The following PNPT1 variants were observed in gnomAD, a reference collection of about 807,000 sequenced individuals.
PNPT1 encodes polyribonucleotide nucleotidyltransferase 1, mitochondrial.
Under a neutral mutation model 119.5 loss-of-function variants are expected in PNPT1, and 53 were observed. That is an observed-to-expected ratio of 0.44 (90% CI 0.36 to 0.56). The LOEUF (loss-of-function observed/expected upper bound fraction) is 0.56, where lower values mean the gene tolerates loss of function less well. Among genes scored for constraint, PNPT1 ranks in the 20% least tolerant of loss-of-function variants. The probability of loss-of-function intolerance (pLI) is 0.00; values close to 1 mark genes in which losing one functional copy is unlikely to be tolerated. For synonymous variants in PNPT1, 357 were observed against 322.1 expected (o/e 1.11, Z -1.16); for missense variants, 948 against 938.5 (o/e 1.01, Z -0.13).
At chr2:55,655,447 T>C (rs1366608315) in intron 17 of PNPT1, among the ~76,000 whole-genome samples, 1 of 152,210 alleles carries the variant, frequency 6.6e-6, no homozygotes, top group African/African-American at 2.4e-5. Context: ...TTGCATAGTA[T>C]TGCTACAGAT....
At chr2:55,662,815 A>G (rs1167754462) in intron 13 of PNPT1, among the ~76,000 whole-genome samples, 2 of 152,280 alleles carry the variant, frequency 1.3e-5, no homozygotes, top group Non-Finnish European at 2.9e-5. Context: ...CCCATTCTCA[A>G]GAATAAAGAC....
Position 55,636,305 on chromosome 2 carries a change from T to C in PNPT1, c.2284A>G (p.Thr762Ala). The C allele has an allele frequency of 6.2e-7, 1 of 1,614,036 alleles. No homozygotes were observed. The highest frequency in any genetic ancestry group is 1.3e-5 in the African/African-American group (1 of 75,054). Residue 762 changes from threonine to alanine, a missense_variant, in exon 28 of 28, where the codon ACT (threonine) becomes GCT (alanine). Coordinates refer to ENST00000447944, the MANE Select transcript of PNPT1 (RefSeq NM_033109.5). Reference sequence around the variant, plus strand: ...ACAATACTACTTCTGTCATTCAAAGTTCTGACCACGGTTGTAGCTGGCGAC... The same window carrying C: ...ACAATACTACTTCTGTCATTCAAAGCTCTGACCACGGTTGTAGCTGGCGAC... ...LQSPATTVVRTLNDRSSIVMG... is the reference protein window; with the variant it reads ...LQSPATTVVRALNDRSSIVMG...
At chr2:55,651,217 G>A (rs1206957896) in intron 18 of PNPT1, among the ~76,000 whole-genome samples, 1 of 147,870 alleles carries the variant, frequency 6.8e-6, no homozygotes, top group African/African-American at 2.5e-5. Flanking sequence ...CTGCCCGGCC[G>A]CCCCTACTGG....
At chr2:55,637,717 C>A in intron 26 of PNPT1, 118 bp from the exon 27 acceptor site, 1 of 878,686 alleles carries the variant, frequency 1.1e-6, no homozygotes, top group Non-Finnish European at 1.8e-6. Flanking sequence ...CAGTTAGCGG[C>A]TGGGCGCAGT....
At chr2:55,643,027 C>G in intron 25 of PNPT1, 131 bp downstream of exon 25, 1 of 881,778 alleles carries the variant, frequency 1.1e-6, no homozygotes, top group East Asian at 2.6e-5. Context: ...GGTGGGAGAA[C>G]TGCCTGATCC....
intron 15 of PNPT1, among the ~76,000 whole-genome samples, chr2:55,659,825 C>G (rs988360242): frequency 1.3e-5 from 2 of 152,060 alleles, no homozygotes; most frequent in East Asian, 3.8e-4. Flanking sequence ...TGGTAAAACC[C>G]AGGTAGTGGA....
At chr2:55,642,034 G>T (rs1559086235) in intron 25 of PNPT1, among the ~76,000 whole-genome samples, 1 of 151,892 alleles carries the variant, frequency 6.6e-6, no homozygotes, top group African/African-American at 2.4e-5. Context: ...TAGACATGGG[G>T]TTTCACCATG....
intron 8 of PNPT1, among the ~76,000 whole-genome samples, chr2:55,675,117 TA>T (rs1483472205): frequency 6.6e-6 from 1 of 151,378 alleles, no homozygotes; most frequent in Non-Finnish European, 1.5e-5. Context: ...AACTAGAAGA[TA>T]AAAAACTCAG....
At position 55,684,985 on chromosome 2, in the gene PNPT1, T is replaced by C. The variant is rs782572; in HGVS notation, c.361A>G (p.Ile121Val). 0.47 allele frequency: 741,047 copies of C among 1,587,420 alleles called. 179,722 individuals are homozygous for C. Among genetic ancestry groups the C allele is most frequent in the Non-Finnish European group, 0.5 (579,237 of 1,161,386 alleles). Residue 121 changes from isoleucine to valine, a missense_variant, in exon 4 of 28, where the codon ATT becomes GTT. By Grantham distance (29) the Ile-to-Val change is conservative. Coordinates refer to ENST00000447944, the MANE Select transcript of PNPT1 (RefSeq NM_033109.5). ...AGAATTTCTTTATCAGAAGTACCAATCTCTCTTCTCAGATAGTTTGTGGGA... is the reference window on the plus strand; with the variant it reads ...AGAATTTCTTTATCAGAAGTACCAACCTCTCTTCTCAGATAGTTTGTGGGA... ...RIPTNYLRRE[I>V]GTSDKEILTS...
chr2:55,636,291 T>A lies in PNPT1; in HGVS notation c.2298A>T (p.Arg766Ser), dbSNP rs1695670552. ...ATTVVRTLND[R>S]SSIVMGEPIS... is the part of the protein sequence containing the mutation. ...TAGGTTCTCCCATTACAATACTACT[T>A]CTGTCATTCAAAGTTCTGACCACGG... The change falls in exon 28 of 28, where the codon AGA (arginine) becomes AGT (serine). Residue 766 changes from arginine to serine, a missense_variant. Coordinates refer to ENST00000447944, the MANE Select transcript of PNPT1 (RefSeq NM_033109.5). 6.2e-7 allele frequency: 1 copy of A among 1,613,916 alleles called. No individual in the cohort carries two copies. The highest frequency in any genetic ancestry group is 1.3e-5 in the African/African-American group (1 of 75,038).
chr2:55,649,408 T>C (rs1344884286), intron 18 of PNPT1, among the ~76,000 whole-genome samples: 1 of 152,244 alleles, frequency 6.6e-6, no homozygotes, highest in Non-Finnish European at 1.5e-5. Context: ...AACATTTCTT[T>C]CCTCATTTCC....
chr2:55,677,780 C>T (rs1186145862), intron 8 of PNPT1, among the ~76,000 whole-genome samples: 3 of 151,750 alleles, frequency 2.0e-5, no homozygotes, highest in Admixed American at 2.0e-4. Flanking sequence ...CGCTCTGTTG[C>T]CCAGGCTGGA....
intron 1 of PNPT1, among the ~76,000 whole-genome samples, chr2:55,689,784 G>A (rs1415206045): frequency 1.3e-5 from 2 of 152,108 alleles, no homozygotes. Flanking sequence ...GCAAAACTTT[G>A]AATATACTAA....
At chr2:55,637,060 G>A (rs964984803) in intron 27 of PNPT1, among the ~76,000 whole-genome samples, 3 of 152,144 alleles carry the variant, frequency 2.0e-5, no homozygotes, top group Admixed American at 6.5e-5. Context: ...GGTGGAGCCC[G>A]AAAAAACAGA....
At chr2:55,684,008 C>T (rs1697323981) in intron 4 of PNPT1, among the ~76,000 whole-genome samples, 174 bp from the exon 5 acceptor site, 1 of 152,098 alleles carries the variant, frequency 6.6e-6, no homozygotes. Flanking sequence ...ACATACCATG[C>T]CCTAACAACA....
intron 14 of PNPT1, among the ~76,000 whole-genome samples, chr2:55,661,147 G>C (rs1410976695): frequency 7.0e-6 from 1 of 143,500 alleles, no homozygotes; most frequent in African/African-American, 2.6e-5. Flanking sequence ...GTCCAGGCTG[G>C]AGCGCAGTGG....
At chr2:55,675,571 G>A (rs1697040320) in intron 8 of PNPT1, among the ~76,000 whole-genome samples, 1 of 152,070 alleles carries the variant, frequency 6.6e-6, no homozygotes. Flanking sequence ...GGTGACATGT[G>A]CCTGGATTCC....
chr2:55,666,676 C>CA (rs889095603), intron 13 of PNPT1, among the ~76,000 whole-genome samples: 9 of 151,724 alleles, frequency 5.9e-5, no homozygotes, highest in African/African-American at 1.2e-4. Context: ...CTTGTCTCTA[C>CA]AAAAAAAAGT....
At chr2:55,665,464 T>A (rs1190947254) in intron 13 of PNPT1, among the ~76,000 whole-genome samples, 1 of 152,120 alleles carries the variant, frequency 6.6e-6, no homozygotes, top group Non-Finnish European at 1.5e-5. Flanking sequence ...GACATATATA[T>A]ATAAAGTTTG....
Sources: gnomAD v4.1 joint callset for allele counts (sites outside exome capture counted in the v4.1 genomes callset) on GRCh38, gnomAD v4.1.1 for gene constraint, MANE v1.5 for transcripts, NCBI Gene and HGNC (gene_info 2026-07-23, HGNC 2026-07-21) for gene names.